The following APOOL variants were observed in gnomAD, a reference collection of about 807,000 sequenced individuals.
APOOL encodes the protein MICOS complex subunit MIC27.
Under a neutral mutation model 23.1 loss-of-function variants are expected in APOOL, and 12 were observed. That is an observed-to-expected ratio of 0.52 (90% confidence interval 0.33 to 0.84). APOOL has a LOEUF of 0.84. Among genes scored for constraint, APOOL ranks in the 40% least tolerant of loss-of-function variants. The pLI is 0.02. For synonymous variants in APOOL, 77 were observed against 69.9 expected (o/e 1.10, Z -0.51); for missense variants, 212 against 199.6 (o/e 1.06, Z -0.37).
chrX:85,018,538 C>T (rs188099255), intron 1 of APOOL, among the ~76,000 whole-genome samples: 19 of 110,994 alleles, frequency 1.7e-4, no homozygotes, highest in Admixed American at 1.4e-3. Flanking sequence ...CAAATGTGAT[C>T]GGTGATTCAG....
At chrX:85,009,837 GTAAGTTCTCATCATT>G (rs1358931681) in intron 1 of APOOL, among the ~76,000 whole-genome samples, 169 of 110,633 alleles carry the variant, frequency 1.5e-3, no homozygotes, top group African/African-American at 5.0e-3. Context: ...CTTTGTGTTT[GTAAGTTCTCATCATT>G]TAAGTTCTCA....
At chrX:85,004,059 C>A in intron 1 of APOOL, 132 bp downstream of exon 1, 1 of 823,639 alleles carries the variant, frequency 1.2e-6, no homozygotes, top group Non-Finnish European at 1.8e-6. Context: ...GAGATAATTG[C>A]AATCTTTATC....
intron 1 of APOOL, among the ~76,000 whole-genome samples, chrX:85,043,381 T>A (rs780187051): frequency 1.9e-5 from 2 of 103,178 alleles, no homozygotes; most frequent in South Asian, 9.4e-4. Flanking sequence ...TTGAATATCT[T>A]ATTTGGTTTT....
chrX:85,049,323 T>A (rs1922681918), intron 2 of APOOL, among the ~76,000 whole-genome samples: 1 of 111,680 alleles, frequency 9.0e-6, no homozygotes, highest in Non-Finnish European at 1.9e-5. Flanking sequence ...GCTGAAATCC[T>A]ATCATCATAA....
chrX:85,034,296 CATA>C, intron 1 of APOOL, among the ~76,000 whole-genome samples: 2 of 111,230 alleles, frequency 1.8e-5, no homozygotes, highest in Middle Eastern at 9.3e-3. Context: ...CATGTTTCCC[CATA>C]ATGTTGTTAG....
chrX:85,071,138 G>A (rs66673116), intron 6 of APOOL, among the ~76,000 whole-genome samples: 5,888 of 111,045 alleles, frequency 0.053, 358 homozygotes, highest in African/African-American at 0.17. Flanking sequence ...ATGTCTTTGG[G>A]CATATATCCT....
At chrX:85,057,213 C>G (rs773483885) in intron 5 of APOOL, among the ~76,000 whole-genome samples, 1 of 110,617 alleles carries the variant, frequency 9.0e-6, no homozygotes, top group African/African-American at 3.3e-5. Flanking sequence ...CCTTACTAAG[C>G]TGGTGTAGTT....
chrX:85,088,237 A>ATGTATAAATACAT lies in APOOL; in HGVS notation c.*559_*560insTGTATAAATACAT, dbSNP rs1569462455. 2.0e-5 allele frequency: 1 copy of ATGTATAAATACAT among 51,262 alleles called. No homozygotes were observed. The highest frequency in any genetic ancestry group is 3.6e-5 in the Non-Finnish European group (1 of 27,510). The allele number at this position is 51,262 out of a possible 1,213,427, so 4.2% of individuals were successfully genotyped here. A position where few individuals can be genotyped will look rare whatever the true frequency, so the allele number is the denominator to read the frequency against. On this transcript the variant is annotated 3_prime_UTR_variant, in exon 9 of 9. Transcript: ENST00000373173. ...AAATACATACATATTTATACATATA[A>ATGTATAAATACAT]ACATATATTTCTGCTCTAGCTTTCC...
chrX:85,006,815 G>A (rs893387108), intron 1 of APOOL, among the ~76,000 whole-genome samples: 1 of 111,598 alleles, frequency 9.0e-6, no homozygotes, highest in Non-Finnish European at 1.9e-5. Flanking sequence ...GCTTAAAAAG[G>A]TCAAGTAACT....
intron 6 of APOOL, among the ~76,000 whole-genome samples, chrX:85,072,941 C>G (rs1923720337): frequency 9.0e-6 from 1 of 111,411 alleles, no homozygotes; most frequent in Non-Finnish European, 1.9e-5. Flanking sequence ...CATGGACTTC[C>G]ATTCATGCCA....
intron 5 of APOOL, among the ~76,000 whole-genome samples, chrX:85,061,796 C>G (rs148983342): frequency 0.033 from 3,618 of 111,023 alleles, 161 homozygotes; most frequent in African/African-American, 0.11. Flanking sequence ...GTCTTGCTAG[C>G]GGTCTATCAA....
chrX:85,066,811 T>C (rs777225164), intron 5 of APOOL, among the ~76,000 whole-genome samples: 1 of 110,414 alleles, frequency 9.1e-6, no homozygotes, highest in Non-Finnish European at 1.9e-5. Context: ...AAATTGTGGT[T>C]ATAAATTTGG....
rs1435461846 is a variant in APOOL, at chrX:85,092,722, A to G, written c.*5044A>G. On this transcript the variant is annotated 3_prime_UTR_variant, in exon 9 of 9. Transcript: ENST00000373173. ...TGAACTTTTCTATAGCTGTAAAAAG[A>G]AAAAAGTCTCACTGTTCTGAGCTTT... 1.3e-5 allele frequency: 6 copies of G among 479,304 alleles called. No individual in the cohort carries two copies. The African/African-American group carries it at 1.4e-4, about 11-fold the overall frequency. 39.5% of individuals were successfully genotyped at this position (479,304 alleles called of 1,213,427 possible).
chrX:85,087,844 T>A lies in APOOL; in HGVS notation c.*166T>A. 2.4e-6 allele frequency: 1 copy of A among 410,171 alleles called. No homozygotes were observed. The highest frequency in any genetic ancestry group is 4.1e-6 in the Non-Finnish European group (1 of 242,324). The allele number at this position is 410,171 out of a possible 1,213,427, so 33.8% of individuals were successfully genotyped here. A position where few individuals can be genotyped will look rare whatever the true frequency, so the allele number is the denominator to read the frequency against. ...CCATTTGATAAATTACATAAGTGGT[T>A]AACACACAAACTGTGAATGCAGTGT... On this transcript the variant is annotated 3_prime_UTR_variant, in exon 9 of 9. Coordinates refer to ENST00000373173, the MANE Select transcript of APOOL (RefSeq NM_198450.6).
chrX:85,079,847 A>G (rs1222728769), intron 8 of APOOL, among the ~76,000 whole-genome samples: 1 of 111,358 alleles, frequency 9.0e-6, no homozygotes, highest in African/African-American at 3.3e-5. Flanking sequence ...GAATTTATCC[A>G]TTTCTTCTAG....
intron 1 of APOOL, among the ~76,000 whole-genome samples, chrX:85,035,683 C>G (rs1262390372): frequency 9.0e-6 from 1 of 111,404 alleles, no homozygotes; most frequent in Non-Finnish European, 1.9e-5. Flanking sequence ...ACCAGTTATC[C>G]CAGCACCACT....
chrX:85,030,894 C>A (rs1398610524), intron 1 of APOOL, among the ~76,000 whole-genome samples: 1 of 111,461 alleles, frequency 9.0e-6, no homozygotes, highest in Non-Finnish European at 1.9e-5. Flanking sequence ...CACTTGTACT[C>A]CAAAAACTAT....
chrX:85,022,774 C>T (rs762711726), intron 1 of APOOL, among the ~76,000 whole-genome samples: 4 of 111,641 alleles, frequency 3.6e-5, no homozygotes, highest in African/African-American at 1.3e-4. Flanking sequence ...TAAAAGATAT[C>T]TCAATTGAGA....
chrX:85,079,028 A>T, intron 8 of APOOL, among the ~76,000 whole-genome samples: 1 of 111,675 alleles, frequency 9.0e-6, no homozygotes. Context: ...CAATCATGTC[A>T]TCTGCAAACA....
Sources: allele counts gnomAD v4.1 joint callset (sites outside exome capture counted in the v4.1 genomes callset), GRCh38; gene constraint gnomAD v4.1.1; transcripts MANE v1.5; gene names NCBI Gene and HGNC (gene_info 2026-07-23, HGNC 2026-07-21).